LOC400499: variants seen among roughly 807,000 people sequenced by gnomAD.
the LOC400499 span, among the ~76,000 whole-genome samples, chr16:11,487,079 G>C: frequency 1.3e-5 from 2 of 151,982 alleles, no homozygotes; most frequent in Non-Finnish European, 1.5e-5. Context: ...AGTGATGGAG[G>C]CATGTAGGTG....
At chr16:11,447,685 A>G in the LOC400499 span, among the ~76,000 whole-genome samples, 1 of 152,166 alleles carries the variant, frequency 6.6e-6, no homozygotes, top group South Asian at 2.1e-4. Context: ...AGACGCCCCA[A>G]GCAGCTCCAG....
chr16:11,512,998 C>T, the LOC400499 span, among the ~76,000 whole-genome samples: 1 of 152,216 alleles, frequency 6.6e-6, no homozygotes, highest in Non-Finnish European at 1.5e-5. Context: ...CCAGCCAGAG[C>T]TGCAGAACAC....
the LOC400499 span, among the ~76,000 whole-genome samples, chr16:11,421,412 T>G: frequency 6.6e-6 from 1 of 151,980 alleles, no homozygotes; most frequent in Non-Finnish European, 1.5e-5. Flanking sequence ...TTGTGTTGTT[T>G]TTTTTTTGAG....
chr16:11,481,682 G>C, the LOC400499 span, among the ~76,000 whole-genome samples: 23 of 151,870 alleles, frequency 1.5e-4, no homozygotes, highest in South Asian at 4.0e-3. Context: ...ACTCAGGCTG[G>C]AGTGCAGTGG....
At chr16:11,469,226 G>A in the LOC400499 span, 176 of 399,438 alleles carry the variant, frequency 4.4e-4, no homozygotes, top group Non-Finnish European at 6.8e-4. Flanking sequence ...AGTGACCCGT[G>A]TGGGCACTCC....
At chr16:11,445,421 C>CAAA in the LOC400499 span, among the ~76,000 whole-genome samples, 1 of 136,232 alleles carries the variant, frequency 7.3e-6, no homozygotes, top group African/African-American at 2.7e-5. Context: ...ACTCTTTCTC[C>CAAA]AAAAAAAAAA....
chr16:11,372,919 AG>A, the LOC400499 span, among the ~76,000 whole-genome samples: 2 of 152,214 alleles, frequency 1.3e-5, no homozygotes, highest in South Asian at 2.1e-4. Flanking sequence ...TGGGTCAATG[AG>A]TCCCCTACAG....
chr16:11,495,752 G>T, the LOC400499 span, among the ~76,000 whole-genome samples: 2 of 152,196 alleles, frequency 1.3e-5, no homozygotes, highest in African/African-American at 4.8e-5. Flanking sequence ...CACACACGTT[G>T]CCTTTCTTAT....
At chr16:11,506,962 C>A in the LOC400499 span, among the ~76,000 whole-genome samples, 1 of 152,204 alleles carries the variant, frequency 6.6e-6, no homozygotes, top group Non-Finnish European at 1.5e-5. Context: ...CACCCCTCAG[C>A]CCAGGGGACC....
chr16:11,472,194 CTT>C, the LOC400499 span: 104 of 144,300 alleles, frequency 7.2e-4, no homozygotes, highest in Middle Eastern at 0.014. Context: ...TAGACTTTTT[CTT>C]TTTTTTTTTT....
the LOC400499 span, among the ~76,000 whole-genome samples, chr16:11,502,461 T>C: frequency 6.6e-6 from 1 of 152,238 alleles, no homozygotes; most frequent in Non-Finnish European, 1.5e-5. Flanking sequence ...ACTCAGGATA[T>C]GGCAGTGAAA....
chr16:11,509,284 A>AT, the LOC400499 span, among the ~76,000 whole-genome samples: 3 of 150,814 alleles, frequency 2.0e-5, no homozygotes, highest in South Asian at 2.1e-4. Context: ...CGCCCGGCTA[A>AT]TTTTTTTGTA....
At chr16:11,483,554 G>C in the LOC400499 span, among the ~76,000 whole-genome samples, 1 of 152,090 alleles carries the variant, frequency 6.6e-6, no homozygotes. Flanking sequence ...AAACAAAAAA[G>C]AGTACATGCT....
the LOC400499 span, among the ~76,000 whole-genome samples, chr16:11,375,986 G>A: frequency 6.6e-6 from 1 of 152,096 alleles, no homozygotes; most frequent in Non-Finnish European, 1.5e-5. Flanking sequence ...TGATCCACCT[G>A]CCTCGGGCTC....
the LOC400499 span, chr16:11,396,333 C>T: frequency 2.1e-4 from 114 of 551,192 alleles, no homozygotes; most frequent in African/African-American, 1.8e-3. Flanking sequence ...GTTCAGCAGG[C>T]GTTCCCCCGA....
chr16:11,447,607 G>A, the LOC400499 span, among the ~76,000 whole-genome samples: 16 of 152,074 alleles, frequency 1.1e-4, no homozygotes, highest in Non-Finnish European at 1.9e-4. Context: ...GGCTCTGCTC[G>A]TCCTAACCTC....
the LOC400499 span, chr16:11,523,404 TGAGA>T: frequency 2.3e-5 from 9 of 398,660 alleles, no homozygotes; most frequent in Non-Finnish European, 3.5e-5. Context: ...TCAGGCGTCC[TGAGA>T]GAATCACTCA....
chr16:11,469,656 C>T, the LOC400499 span: 1 of 399,092 alleles, frequency 2.5e-6, no homozygotes, highest in South Asian at 1.3e-4. Context: ...CTTGGGGGAA[C>T]CAGCTGCCCT....
chr16:11,448,105 G>C, the LOC400499 span: 3 of 1,523,602 alleles, frequency 2.0e-6, no homozygotes, highest in Non-Finnish European at 1.8e-6. Context: ...AGAGAGGGAC[G>C]GGCCAGCAGG....
Sources: allele counts gnomAD v4.1 joint callset (sites outside exome capture counted in the v4.1 genomes callset), GRCh38; gene constraint gnomAD v4.1.1; transcripts MANE v1.5.